The following PTPRG variants were observed in gnomAD, a reference collection of about 807,000 sequenced individuals.
PTPRG encodes receptor-type tyrosine-protein phosphatase gamma.
In PTPRG, 102 loss-of-function variants were observed where a neutral mutation model predicts 165.3. The ratio of observed to expected loss-of-function variants is 0.62; its 90% CI spans 0.53 to 0.73. PTPRG has a LOEUF of 0.73. Ranked by LOEUF, PTPRG falls within the 30% of genes least tolerant of loss-of-function variation. PTPRG has a pLI of 0.00. For missense variants in PTPRG, 1,866 were observed against 1,861.4 expected (o/e 1.00, Z -0.05); for synonymous variants, 675 against 669.5 (o/e 1.01, Z -0.13).
chr3:61,852,100 C>G (rs563330989), intron 2 of PTPRG, among the ~76,000 whole-genome samples: 1 of 152,140 alleles, frequency 6.6e-6, no homozygotes, highest in East Asian at 1.9e-4. Context: ...TCTTTTGGAA[C>G]TAGATTTTAG....
At chr3:61,670,687 T>C (rs9863659) in intron 1 of PTPRG, among the ~76,000 whole-genome samples, 9,753 of 152,150 alleles carry the variant, frequency 0.064, 739 homozygotes, top group African/African-American at 0.18. Context: ...TCTCTCGCAG[T>C]CCCCCGGCAT....
At chr3:61,818,292 G>A (rs2035848077) in intron 2 of PTPRG, among the ~76,000 whole-genome samples, 2 of 152,090 alleles carry the variant, frequency 1.3e-5, no homozygotes, top group African/African-American at 2.4e-5. Flanking sequence ...GTGATAGATG[G>A]TATGAAAGAA....
intron 2 of PTPRG, among the ~76,000 whole-genome samples, chr3:61,915,792 T>C (rs2038921179): frequency 6.6e-6 from 1 of 152,200 alleles, no homozygotes; most frequent in Non-Finnish European, 1.5e-5. Flanking sequence ...AGATTGGTGT[T>C]TGCAAAGCAT....
At chr3:61,855,619 T>C (rs1002483288) in intron 2 of PTPRG, among the ~76,000 whole-genome samples, 1 of 150,978 alleles carries the variant, frequency 6.6e-6, no homozygotes, top group Non-Finnish European at 1.5e-5. Context: ...AATGTTTTAC[T>C]AAGGGGTATA....
chr3:61,643,260 G>GGA (rs926734882), intron 1 of PTPRG, among the ~76,000 whole-genome samples: 5 of 138,596 alleles, frequency 3.6e-5, no homozygotes, highest in East Asian at 4.4e-4. Context: ...CCCCATCTGG[G>GGA]GAGAGAGAGA....
intron 4 of PTPRG, among the ~76,000 whole-genome samples, chr3:62,074,757 C>T (rs965020345): frequency 3.9e-5 from 6 of 152,064 alleles, no homozygotes; most frequent in African/African-American, 9.7e-5. Context: ...GAATATTGAA[C>T]GGAGGGCTCT....
intron 1 of PTPRG, among the ~76,000 whole-genome samples, chr3:61,737,324 G>A (rs2032756767): frequency 1.3e-5 from 2 of 152,138 alleles, no homozygotes; most frequent in South Asian, 4.2e-4. Context: ...CTTCCTCATG[G>A]ACTGGAAGCT....
chr3:61,690,986 T>A (rs138648063), intron 1 of PTPRG, among the ~76,000 whole-genome samples: 39 of 152,106 alleles, frequency 2.6e-4, no homozygotes, highest in Admixed American at 2.6e-3. Flanking sequence ...ATAGACAAAA[T>A]AAAACCACAG....
rs139058358 is a variant in PTPRG, at chr3:61,696,017, C to G, written c.86-52861C>G. On this transcript the variant is annotated intron_variant, in intron 1 of 29. Transcript: ENST00000474889. ...TTTTGACAACATTCTGTGGCACAGT[C>G]AACATGAGGTTGAGCTGATTGGGAT... Among the ~76,000 whole-genome samples the G allele has an allele frequency of 4.6e-5, 7 of 152,172 alleles. No individual in the cohort carries two copies. The East Asian group carries it at 1.4e-3, about 29-fold the overall frequency.
intron 3 of PTPRG, among the ~76,000 whole-genome samples, chr3:61,995,371 T>A (rs1000607172): frequency 6.6e-6 from 1 of 152,126 alleles, no homozygotes; most frequent in Non-Finnish European, 1.5e-5. Flanking sequence ...ATTACAGGCA[T>A]GAGCCACTGC....
At chr3:61,788,363 C>T (rs528142482) in intron 2 of PTPRG, among the ~76,000 whole-genome samples, 2 of 152,066 alleles carry the variant, frequency 1.3e-5, no homozygotes, top group Non-Finnish European at 2.9e-5. Flanking sequence ...ATTGGCAATG[C>T]GTGAACATTT....
At chr3:61,661,841 A>ATACT (rs1351704725) in intron 1 of PTPRG, among the ~76,000 whole-genome samples, 1 of 152,210 alleles carries the variant, frequency 6.6e-6, no homozygotes, top group South Asian at 2.1e-4. Context: ...TGATTTACAA[A>ATACT]TACTTACCTG....
Position 62,074,914 on chromosome 3 carries a change from G to A in PTPRG, c.520-3249G>A, listed in dbSNP as rs554894074. On this transcript the variant is annotated intron_variant, in intron 4 of 29. Transcript: ENST00000474889. Reference sequence around the variant, plus strand: ...CTGTCCAAACTTGGACATCACCACCGCTGACAAAGTATGTTTCAATTCACG... The same window carrying A: ...CTGTCCAAACTTGGACATCACCACCACTGACAAAGTATGTTTCAATTCACG... Among the ~76,000 whole-genome samples, 27 of 152,072 alleles carry A rather than the reference G, an allele frequency of 1.8e-4. No homozygotes were observed. The South Asian group carries it at 3.9e-3, about 22-fold the overall frequency.
chr3:62,142,190 GA>G (rs1256955752), intron 6 of PTPRG, among the ~76,000 whole-genome samples: 1 of 151,862 alleles, frequency 6.6e-6, no homozygotes, highest in Admixed American at 6.6e-5. Flanking sequence ...GCAAGCTTCT[GA>G]AGAAAACATT....
intron 14 of PTPRG, among the ~76,000 whole-genome samples, chr3:62,235,586 C>T (rs771811549): frequency 6.6e-6 from 1 of 152,104 alleles, no homozygotes; most frequent in Non-Finnish European, 1.5e-5. Context: ...AGTTTTGAGA[C>T]CACTTTTGTG....
chr3:61,672,070 A>G (rs1703022476), intron 1 of PTPRG, among the ~76,000 whole-genome samples: 1 of 145,678 alleles, frequency 6.9e-6, no homozygotes, highest in African/African-American at 2.6e-5. Flanking sequence ...GACGCTCCTC[A>G]CATCCCGGAC....
At chr3:61,880,550 G>C (rs1434580891) in intron 2 of PTPRG, among the ~76,000 whole-genome samples, 1 of 145,576 alleles carries the variant, frequency 6.9e-6, no homozygotes, top group Non-Finnish European at 1.5e-5. Flanking sequence ...CTTGAGCTTG[G>C]AAAGTCGAAG....
intron 8 of PTPRG, among the ~76,000 whole-genome samples, chr3:62,186,021 G>A (rs953544892): frequency 6.6e-6 from 1 of 152,150 alleles, no homozygotes; most frequent in Non-Finnish European, 1.5e-5. Flanking sequence ...TGAAAGAAGG[G>A]TTTCCATCAC....
intron 1 of PTPRG, among the ~76,000 whole-genome samples, chr3:61,606,496 G>A (rs1048013827): frequency 1.3e-5 from 2 of 152,194 alleles, no homozygotes; most frequent in Non-Finnish European, 2.9e-5. Flanking sequence ...TAACTCCTGC[G>A]GAGCTATATA....
Sources: allele counts gnomAD v4.1 joint callset (sites outside exome capture counted in the v4.1 genomes callset), GRCh38; gene constraint gnomAD v4.1.1; transcripts MANE v1.5; gene names NCBI Gene and HGNC (gene_info 2026-07-23, HGNC 2026-07-21).